Variants in KCNK10 observed in about 807,000 individuals in gnomAD.
The protein encoded by KCNK10 is potassium channel subfamily K member 10.
KCNK10 carries 25 observed loss-of-function variants against 47.7 expected under a neutral mutation model. That is an observed-to-expected ratio of 0.52 (90% CI 0.38 to 0.73). KCNK10 has a LOEUF of 0.73. Among genes scored for constraint, KCNK10 ranks in the 30% least tolerant of loss-of-function variants. KCNK10 has a pLI of 0.00. For synonymous variants in KCNK10, 303 were observed against 285.6 expected (o/e 1.06, Z -0.61); for missense variants, 563 against 714.5 (o/e 0.79, Z 2.42).
At chr14:88,316,063 A>T (rs953477446) in intron 1 of KCNK10, among the ~76,000 whole-genome samples, 1 of 152,136 alleles carries the variant, frequency 6.6e-6, no homozygotes, top group African/African-American at 2.4e-5. Flanking sequence ...ACTAGCAGTT[A>T]TTGGTAATAC....
In KCNK10 at chr14:88,297,881, C is replaced by T. The variant is rs17124441; in HGVS notation, c.52+24866G>A. Among the ~76,000 whole-genome samples the T allele has an allele frequency of 8.9e-3, 1,353 of 152,278 alleles. 20 individuals are homozygous for T. Among genetic ancestry groups the T allele is most frequent in the African/African-American group, 0.03 (1,266 of 41,556 alleles). ...TGGATGTGGGAGATGCAGACTTAGA[C>T]GTTTCTCTGAGGAAATTTCCAGTGG... On this transcript the variant is annotated intron_variant, in intron 1 of 6. Coordinates refer to ENST00000319231, the MANE Select transcript of KCNK10 (RefSeq NM_138317.3).
At chr14:88,265,539 CA>C (rs1368539406) in intron 1 of KCNK10, among the ~76,000 whole-genome samples, 1 of 152,160 alleles carries the variant, frequency 6.6e-6, no homozygotes, top group Non-Finnish European at 1.5e-5. Context: ...CAGAACCATA[CA>C]ATAATAAATT....
chr14:88,200,451 G>A (rs571975366), intron 4 of KCNK10, among the ~76,000 whole-genome samples: 74 of 152,266 alleles, frequency 4.9e-4, no homozygotes, highest in African/African-American at 1.5e-3. Flanking sequence ...TCCCAGCTAC[G>A]TGTGTACCTA....
At chr14:88,304,889 T>C (rs1017637153) in intron 1 of KCNK10, among the ~76,000 whole-genome samples, 3 of 152,218 alleles carry the variant, frequency 2.0e-5, no homozygotes, top group Non-Finnish European at 4.4e-5. Context: ...AACAAGGTTA[T>C]GTATTTAGTT....
At position 88,186,063 on chromosome 14, in the gene KCNK10, G is replaced by A. The variant is rs201640910; in HGVS notation, c.1104C>T (p.His368=). 98 of 1,612,868 alleles carry A rather than the reference G, an allele frequency of 6.1e-5. No individual in the cohort carries two copies. The highest frequency in any genetic ancestry group is 2.0e-4 in the Admixed American group (12 of 60,002). Residue 368 remains histidine, a synonymous_variant, in exon 7 of 7, where the codon CAC becomes CAT. Transcript: ENST00000319231. The surrounding 1 kb of genome is among the most constrained non-coding windows in gnomAD (Gnocchi z 5.5). ...TGGTGGCCGCCCGCTGCAGCTTATCGTGGATCTCCACGCTGAGCCTTCGCC... is the reference window on the plus strand; with the variant it reads ...TGGTGGCCGCCCGCTGCAGCTTATCATGGATCTCCACGCTGAGCCTTCGCC... ...ETRRRLSVEI[H]DKLQRAATIR...
chr14:88,200,637 C>T (rs1177971093), intron 4 of KCNK10, among the ~76,000 whole-genome samples: 1 of 152,194 alleles, frequency 6.6e-6, no homozygotes, highest in African/African-American at 2.4e-5. Flanking sequence ...ACAGGAACAC[C>T]TACAAATGAG....
chr14:88,315,686 G>A lies in KCNK10; in HGVS notation c.52+7061C>T, dbSNP rs184066202. The stretch of plus-strand genomic sequence containing the variant: ...AATTATGAATATTGGTGTTTTAGGC[G>A]TCTGCAAAGGTTACCGTGACTTCCA... On this transcript the variant is annotated intron_variant, in intron 1 of 6. Coordinates refer to ENST00000319231, the MANE Select transcript of KCNK10 (RefSeq NM_138317.3). Among the ~76,000 whole-genome samples the A allele has an allele frequency of 1.2e-4, 19 of 152,152 alleles. No homozygotes were observed. In the East Asian group the frequency reaches 1.7e-3, roughly 14 times the overall value.
intron 1 of KCNK10, among the ~76,000 whole-genome samples, chr14:88,271,798 G>A (rs1046470151): frequency 6.6e-6 from 1 of 152,028 alleles, no homozygotes; most frequent in Non-Finnish European, 1.5e-5. Flanking sequence ...CCCACAAGCT[G>A]GGGAGAGAAC....
chr14:88,220,451 A>G (rs1885770044), intron 4 of KCNK10, among the ~76,000 whole-genome samples: 2 of 141,866 alleles, frequency 1.4e-5, no homozygotes, highest in African/African-American at 5.3e-5. Flanking sequence ...AAAAAAAAAA[A>G]AAAATTACTA....
chr14:88,289,932 T>C (rs1430217798), intron 1 of KCNK10, among the ~76,000 whole-genome samples: 1 of 152,182 alleles, frequency 6.6e-6, no homozygotes, highest in Non-Finnish European at 1.5e-5. Flanking sequence ...TATTTTGGCA[T>C]AAGCATTGTG....
intron 1 of KCNK10, among the ~76,000 whole-genome samples, chr14:88,283,851 T>C (rs1595121924): frequency 6.6e-6 from 1 of 152,044 alleles, no homozygotes; most frequent in South Asian, 2.1e-4. Flanking sequence ...GAGGCAGAGG[T>C]TGCAGTGAGC....
chr14:88,284,954 GC>G (rs1422393494), intron 1 of KCNK10, among the ~76,000 whole-genome samples: 2 of 152,204 alleles, frequency 1.3e-5, no homozygotes, highest in Non-Finnish European at 2.9e-5. Flanking sequence ...CTCACAGGGT[GC>G]TTAGAATATT....
chr14:88,306,443 G>A (rs572617084), intron 1 of KCNK10, among the ~76,000 whole-genome samples: 1 of 152,292 alleles, frequency 6.6e-6, no homozygotes, highest in Admixed American at 6.5e-5. Flanking sequence ...TGAGAGAACA[G>A]AGCAGGACAA....
chr14:88,221,911 A>G (rs2139865568), intron 4 of KCNK10, among the ~76,000 whole-genome samples: 1 of 152,364 alleles, frequency 6.6e-6, no homozygotes, highest in East Asian at 1.9e-4. Flanking sequence ...ACATAGAGGA[A>G]ACTTTTATCC....
chr14:88,268,369 A>C (rs1784798), intron 1 of KCNK10, among the ~76,000 whole-genome samples: 99,521 of 152,102 alleles, frequency 0.65, 32,945 homozygotes, highest in East Asian at 0.94. Flanking sequence ...ACCAACACCC[A>C]CTCCAGTTAG....
rs150957479 is a variant in KCNK10 at position 88,227,545 on chromosome 14, A to C, written c.521-10T>G. On this transcript the variant is annotated splice_polypyrimidine_tract_variant and intron_variant, in intron 3 of 6. Coordinates refer to ENST00000319231, the MANE Select transcript of KCNK10 (RefSeq NM_138317.3). The stretch of plus-strand genomic sequence containing the variant: ...GCAATATTCCCATACCCTGGTGAGA[A>C]ATATGAAAAAGAGGGAGAGTGGCAG... The C allele has an allele frequency of 6.3e-7, 1 of 1,578,486 alleles. No individual in the cohort carries two copies. The highest frequency in any genetic ancestry group is 2.2e-5 in the East Asian group (1 of 44,548).
Position 88,323,259 on chromosome 14 carries a change from G to A in KCNK10, c.-461C>T. The stretch of plus-strand genomic sequence containing the variant: ...ACACACACCCGCACACACACTCCCG[G>A]GCGCGCGCTTGGGCGGGCACGTCAG... On this transcript the variant is annotated 5_prime_UTR_variant, in exon 1 of 7. Coordinates refer to ENST00000319231, the MANE Select transcript of KCNK10 (RefSeq NM_138317.3). The A allele has an allele frequency of 1.0e-6, 1 of 986,510 alleles. No individual in the cohort carries two copies. Among genetic ancestry groups the A allele is most frequent in the Non-Finnish European group, 1.2e-6 (1 of 830,924 alleles). The allele number at this position is 986,510 out of a possible 1,614,324, so 61.1% of individuals were successfully genotyped here.
At chr14:88,189,071 G>A (rs1003271990) in intron 5 of KCNK10, among the ~76,000 whole-genome samples, 3 of 152,148 alleles carry the variant, frequency 2.0e-5, no homozygotes, top group African/African-American at 7.2e-5. Flanking sequence ...GCAATGGATT[G>A]GTAACTATCG....
intron 4 of KCNK10, among the ~76,000 whole-genome samples, chr14:88,210,243 T>C (rs1286874110): frequency 6.6e-6 from 1 of 152,232 alleles, no homozygotes; most frequent in Non-Finnish European, 1.5e-5. Context: ...CAAGGTGGTG[T>C]GACTTCAGAG....
Sources: allele counts gnomAD v4.1 joint callset (sites outside exome capture counted in the v4.1 genomes callset), GRCh38; gene constraint gnomAD v4.1.1; non-coding constraint Gnocchi (gnomAD v3.1); transcripts MANE v1.5; gene names NCBI Gene and HGNC (gene_info 2026-07-23, HGNC 2026-07-21).